Variants in NAALADL2 observed in about 807,000 individuals in gnomAD.
NAALADL2 encodes the protein N-acetylated alpha-linked acidic dipeptidase like 2, also known as inactive N-acetylated-alpha-linked acidic dipeptidase-like protein 2.
In NAALADL2, 76 loss-of-function variants were observed where a neutral mutation model predicts 87.2. That is an observed-to-expected ratio of 0.87 (90% confidence interval 0.72 to 1.05). The LOEUF (loss-of-function observed/expected upper bound fraction) is 1.05. Ranked by LOEUF, NAALADL2 falls within the 50% of genes least tolerant of loss-of-function variation. The probability of loss-of-function intolerance (pLI) is 0.00; values close to 1 mark genes in which losing one functional copy is unlikely to be tolerated. For missense variants in NAALADL2, 1,089 were observed against 945.8 expected (o/e 1.15, Z -1.99); for synonymous variants, 354 against 331.0 (o/e 1.07, Z -0.75).
intron 1 of NAALADL2, among the ~76,000 whole-genome samples, chr3:175,051,222 G>A (rs1419325520): frequency 5.9e-5 from 9 of 152,166 alleles, no homozygotes; most frequent in Non-Finnish European, 8.8e-5. Context: ...CCAAATATGG[G>A]TAATTCTTCC....
At chr3:175,017,040 C>T (rs1750914500) in intron 1 of NAALADL2, among the ~76,000 whole-genome samples, 1 of 151,614 alleles carries the variant, frequency 6.6e-6, no homozygotes. Context: ...GTTTTTGTAC[C>T]AATTAATCAT....
At chr3:175,597,925 C>T (rs550297365) in intron 10 of NAALADL2, among the ~76,000 whole-genome samples, 11 of 152,010 alleles carry the variant, frequency 7.2e-5, no homozygotes, top group Non-Finnish European at 2.9e-5. Context: ...TCTGAAGAGC[C>T]ATACTCTTAA....
intron 5 of NAALADL2, among the ~76,000 whole-genome samples, chr3:175,346,758 G>T (rs1213791830): frequency 6.6e-6 from 1 of 152,126 alleles, no homozygotes; most frequent in Admixed American, 6.6e-5. Flanking sequence ...GGTCGAGAGG[G>T]TTAAACGACT....
intron 9 of NAALADL2, among the ~76,000 whole-genome samples, chr3:175,516,616 T>C (rs1037957502): frequency 6.6e-6 from 1 of 152,236 alleles, no homozygotes; most frequent in Non-Finnish European, 1.5e-5. Context: ...TTGTTTTGAA[T>C]GCCAGTTAGA....
intron 12 of NAALADL2, among the ~76,000 whole-genome samples, chr3:175,740,602 T>C (rs958137500): frequency 6.6e-6 from 1 of 152,238 alleles, no homozygotes; most frequent in African/African-American, 2.4e-5. Flanking sequence ...CTAATTTTGC[T>C]TTAAAGACAA....
At chr3:175,427,819 C>CTCTAAGGTAGGA in intron 5 of NAALADL2, among the ~76,000 whole-genome samples, 1 of 152,102 alleles carries the variant, frequency 6.6e-6, no homozygotes, top group South Asian at 2.1e-4. Context: ...TACTTTCATC[C>CTCTAAGGTAGGA]ATACCCAAAT....
intron 1 of NAALADL2, among the ~76,000 whole-genome samples, chr3:174,486,570 C>G (rs931689214): frequency 3.9e-5 from 6 of 151,974 alleles, no homozygotes; most frequent in African/African-American, 1.4e-4. Flanking sequence ...CTGTCTTTCT[C>G]TCCGCTTTTG....
At chr3:175,655,278 G>A (rs1731303348) in intron 11 of NAALADL2, among the ~76,000 whole-genome samples, 1 of 151,914 alleles carries the variant, frequency 6.6e-6, no homozygotes, top group African/African-American at 2.4e-5. Context: ...TCATAAAATA[G>A]GTGAGTATCT....
intron 2 of NAALADL2, among the ~76,000 whole-genome samples, chr3:174,611,714 C>G (rs546258187): frequency 1.8e-4 from 27 of 152,128 alleles, no homozygotes; most frequent in African/African-American, 6.5e-4. Context: ...CCTTAGCCTC[C>G]TGACTAGCTG....
chr3:174,763,646 T>C (rs1713385674), intron 3 of NAALADL2, among the ~76,000 whole-genome samples: 1 of 147,152 alleles, frequency 6.8e-6, no homozygotes. Context: ...CATTTTTTGA[T>C]TGCAGCAGAC....
intron 11 of NAALADL2, among the ~76,000 whole-genome samples, chr3:175,677,996 A>G (rs944907175): frequency 3.3e-5 from 5 of 152,154 alleles, no homozygotes; most frequent in African/African-American, 1.2e-4. Context: ...CCCTCTCAGG[A>G]ATTTTATGGG....
chr3:174,809,951 C>T (rs1361245566), intron 3 of NAALADL2, among the ~76,000 whole-genome samples: 2 of 152,042 alleles, frequency 1.3e-5, no homozygotes, highest in African/African-American at 2.4e-5. Context: ...GTGTGTGGCA[C>T]CTCCCCCCTC....
chr3:174,499,969 TG>T (rs1718786611), intron 1 of NAALADL2, among the ~76,000 whole-genome samples: 1 of 152,134 alleles, frequency 6.6e-6, no homozygotes, highest in Non-Finnish European at 1.5e-5. Flanking sequence ...AAAATCCTTC[TG>T]GGATTTTTTT....
At chr3:174,770,840 G>T (rs1366349369) in intron 3 of NAALADL2, among the ~76,000 whole-genome samples, 2 of 130,888 alleles carry the variant, frequency 1.5e-5, no homozygotes, top group Admixed American at 7.9e-5. Context: ...AGCAAGACTC[G>T]GTCTAACAAA....
intron 5 of NAALADL2, among the ~76,000 whole-genome samples, chr3:175,400,171 A>G (rs1770386508): frequency 6.6e-6 from 1 of 152,164 alleles, no homozygotes; most frequent in Non-Finnish European, 1.5e-5. Context: ...AGAGAAAAAA[A>G]ATCAATCTGC....
At chr3:174,501,077 A>AT (rs71624286) in intron 1 of NAALADL2, among the ~76,000 whole-genome samples, 9,544 of 109,782 alleles carry the variant, frequency 0.087, 968 homozygotes, top group East Asian at 0.43. Flanking sequence ...ATAGGTCTCA[A>AT]TTTTTTTTTT....
At chr3:175,534,520 G>C (rs754681631) in intron 9 of NAALADL2, among the ~76,000 whole-genome samples, 1 of 152,130 alleles carries the variant, frequency 6.6e-6, no homozygotes, top group African/African-American at 2.4e-5. Flanking sequence ...AATGATGCTG[G>C]TGACGTAAAA....
At chr3:174,456,223 TAGA>T (rs779130263) in intron 1 of NAALADL2, among the ~76,000 whole-genome samples, 2 of 151,858 alleles carry the variant, frequency 1.3e-5, no homozygotes, top group African/African-American at 2.4e-5. Flanking sequence ...ACACAAACAA[TAGA>T]AGAACATTCC....
At chr3:174,682,379 G>A (rs1216841689) in intron 2 of NAALADL2, among the ~76,000 whole-genome samples, 1 of 152,140 alleles carries the variant, frequency 6.6e-6, no homozygotes, top group Non-Finnish European at 1.5e-5. Context: ...GCCATCTGCT[G>A]TTGATAGAGC....
Sources: allele counts gnomAD v4.1 joint callset (sites outside exome capture counted in the v4.1 genomes callset), GRCh38; gene constraint gnomAD v4.1.1; transcripts MANE v1.5; gene names NCBI Gene and HGNC (gene_info 2026-07-23, HGNC 2026-07-21).